Variants in CNTNAP2 observed in about 807,000 individuals in gnomAD.
CNTNAP2 encodes contactin associated protein 2.
Under a neutral mutation model 155.2 loss-of-function variants are expected in CNTNAP2, and 98 were observed. The observed-to-expected ratio is 0.63, with a 90% CI of 0.54 to 0.75. The LOEUF (loss-of-function observed/expected upper bound fraction) is 0.75. CNTNAP2 is among the 30% of genes least tolerant of loss of function. CNTNAP2 has a pLI of 0.00. For synonymous variants in CNTNAP2, 651 were observed against 631.2 expected, an observed-to-expected ratio of 1.03 and a Z score of -0.47; for missense variants, 1,727 against 1,688.1, an observed-to-expected ratio of 1.02 and a Z score of -0.40.
At chr7:146,779,402 C>A (rs1322066504) in intron 2 of CNTNAP2, among the ~76,000 whole-genome samples, 3 of 152,118 alleles carry the variant, frequency 2.0e-5, no homozygotes, top group Non-Finnish European at 2.9e-5. Context: ...GGGAGAGGGA[C>A]ACAAATCCAT....
intron 21 of CNTNAP2, among the ~76,000 whole-genome samples, chr7:148,276,285 G>C (rs1328232085): frequency 6.6e-6 from 1 of 152,146 alleles, no homozygotes; most frequent in Non-Finnish European, 1.5e-5. Context: ...AAAACAAGCA[G>C]GAAAGTAGAG....
chr7:147,478,803 T>C (rs968530528), intron 10 of CNTNAP2, among the ~76,000 whole-genome samples: 4 of 152,260 alleles, frequency 2.6e-5, no homozygotes. Context: ...TGGGGTTCTA[T>C]GTCAAGACAT....
At chr7:148,022,468 CAAAA>C (rs745936599) in intron 15 of CNTNAP2, among the ~76,000 whole-genome samples, 14 of 91,114 alleles carry the variant, frequency 1.5e-4, no homozygotes, top group South Asian at 1.5e-3. Context: ...GACTCCGTCT[CAAAA>C]AAAAAAAAAA....
chr7:147,394,393 A>G (rs558632415), intron 9 of CNTNAP2, among the ~76,000 whole-genome samples: 2 of 152,046 alleles, frequency 1.3e-5, no homozygotes, highest in African/African-American at 4.8e-5. Flanking sequence ...TTGAAAATTC[A>G]CTTTTATCCA....
chr7:147,136,876 T>C (rs1801490771), intron 8 of CNTNAP2, among the ~76,000 whole-genome samples: 1 of 151,976 alleles, frequency 6.6e-6, no homozygotes, highest in African/African-American at 2.4e-5. Context: ...TATTTCAAAA[T>C]GTCTTAAATT....
At chr7:147,927,589 C>T (rs901212354) in intron 14 of CNTNAP2, among the ~76,000 whole-genome samples, 1 of 152,120 alleles carries the variant, frequency 6.6e-6, no homozygotes. Context: ...TCTTCATTTG[C>T]TTAAAATAAA....
intron 15 of CNTNAP2, among the ~76,000 whole-genome samples, chr7:148,003,028 G>A (rs1427820050): frequency 6.6e-6 from 1 of 152,162 alleles, no homozygotes; most frequent in Non-Finnish European, 1.5e-5. Flanking sequence ...CAGTCAGTGG[G>A]CCTACAGAGA....
In CNTNAP2 at chr7:148,299,219, C is replaced by T. The variant is rs147070246; in HGVS notation, c.3475+32093C>T. Among the ~76,000 whole-genome samples the T allele has an allele frequency of 5.9e-4, 89 of 151,998 alleles. 3 individuals are homozygous for T. In the East Asian group the frequency reaches 0.011, roughly 19 times the overall value. ...GTTAGCCAGAATGGTCTCAATCTCC[C>T]GACCTTGTGATGTGCCCTCCTCAGC... On this transcript the variant is annotated intron_variant, in intron 21 of 23. Coordinates refer to ENST00000361727, the MANE Select transcript of CNTNAP2 (RefSeq NM_014141.6).
chr7:148,264,065 C>T (rs1342634920), intron 20 of CNTNAP2, among the ~76,000 whole-genome samples: 3 of 145,358 alleles, frequency 2.1e-5, no homozygotes, highest in Non-Finnish European at 4.5e-5. Flanking sequence ...ATCAAGATCC[C>T]ACCATGTATT....
At chr7:146,667,025 T>A (rs1371679259) in intron 1 of CNTNAP2, among the ~76,000 whole-genome samples, 1 of 152,114 alleles carries the variant, frequency 6.6e-6, no homozygotes, top group Non-Finnish European at 1.5e-5. Context: ...GTTGTTGTAC[T>A]TTTGAGGAAC....
intron 12 of CNTNAP2, among the ~76,000 whole-genome samples, chr7:147,603,178 C>G (rs1360323342): frequency 2.0e-5 from 3 of 151,798 alleles, no homozygotes; most frequent in Non-Finnish European, 4.4e-5. Context: ...GATTGCCATT[C>G]TAACTGGTGT....
At chr7:147,855,305 A>C (rs1345573476) in intron 13 of CNTNAP2, among the ~76,000 whole-genome samples, 1 of 152,004 alleles carries the variant, frequency 6.6e-6, no homozygotes, top group Non-Finnish European at 1.5e-5. Context: ...TCTCTGCATG[A>C]CTTCTGAGCC....
At chr7:147,793,327 G>T (rs966179842) in intron 13 of CNTNAP2, among the ~76,000 whole-genome samples, 1 of 152,028 alleles carries the variant, frequency 6.6e-6, no homozygotes, top group African/African-American at 2.4e-5. Flanking sequence ...TAGCAGTTAT[G>T]TTCATGTCTT....
chr7:147,933,143 T>C (rs1343517595), intron 14 of CNTNAP2, among the ~76,000 whole-genome samples: 2 of 149,282 alleles, frequency 1.3e-5, no homozygotes, highest in Non-Finnish European at 3.0e-5. Flanking sequence ...GCTATTGTTT[T>C]AAAAAAAAAA....
intron 9 of CNTNAP2, among the ~76,000 whole-genome samples, chr7:147,334,755 T>A (rs1795637434): frequency 6.6e-6 from 1 of 152,162 alleles, no homozygotes; most frequent in Non-Finnish European, 1.5e-5. Flanking sequence ...TCTAACTGAA[T>A]AACATGCATA....
intron 14 of CNTNAP2, among the ~76,000 whole-genome samples, chr7:147,958,791 T>C (rs1426361573): frequency 6.6e-6 from 1 of 152,190 alleles, no homozygotes; most frequent in African/African-American, 2.4e-5. Context: ...ATTGCTATTT[T>C]TGTCTGCTGG....
At chr7:146,983,855 C>A (rs1181330032) in intron 3 of CNTNAP2, among the ~76,000 whole-genome samples, 2 of 152,078 alleles carry the variant, frequency 1.3e-5, no homozygotes, top group Admixed American at 1.3e-4. Context: ...TTAACAGCTT[C>A]AAAGAATTTA....
intron 13 of CNTNAP2, 58 bp from the exon 14 acceptor site, chr7:147,903,507 G>A (rs2116751950): frequency 1.3e-6 from 2 of 1,566,028 alleles, no homozygotes. Flanking sequence ...TGTAAGTGTG[G>A]CAGTCTAATG....
chr7:146,764,402 A>G (rs1802159531), intron 1 of CNTNAP2, among the ~76,000 whole-genome samples: 1 of 152,126 alleles, frequency 6.6e-6, no homozygotes, highest in Non-Finnish European at 1.5e-5. Context: ...TGAAGTTATA[A>G]AATTAAAACT....
Sources: gnomAD v4.1 joint callset for allele counts (sites outside exome capture counted in the v4.1 genomes callset) on GRCh38, gnomAD v4.1.1 for gene constraint, MANE v1.5 for transcripts, NCBI Gene and HGNC (gene_info 2026-07-23, HGNC 2026-07-21) for gene names.